GLE1: variants seen among roughly 807,000 people sequenced by gnomAD.
GLE1 encodes mRNA export factor GLE1.
Under a neutral mutation model 97.3 loss-of-function variants are expected in GLE1, and 78 were observed. The observed-to-expected ratio is 0.80, with a 90% CI of 0.67 to 0.97. The LOEUF is 0.97. Ranked by LOEUF, GLE1 falls within the 50% of genes least tolerant of loss-of-function variation. The pLI, the probability that GLE1 is intolerant of heterozygous loss-of-function variation, is 0.00. For missense variants in GLE1, 753 were observed against 857.5 expected (o/e 0.88, Z 1.52); for synonymous variants, 302 against 313.4 (o/e 0.96, Z 0.39).
intron 2 of GLE1, among the ~76,000 whole-genome samples, chr9:128,510,565 G>A (rs1266943926): frequency 8.2e-6 from 1 of 122,170 alleles, no homozygotes; most frequent in Non-Finnish European, 1.6e-5. Context: ...GTCTAGCTCT[G>A]TCACCCAGGC....
intron 3 of GLE1, among the ~76,000 whole-genome samples, chr9:128,516,868 C>T (rs1331136954): frequency 6.8e-6 from 1 of 147,264 alleles, no homozygotes; most frequent in African/African-American, 2.5e-5. Flanking sequence ...TCAGGTGATC[C>T]ACCCACCTCA....
At chr9:128,529,558 A>G (rs1847418794) in intron 9 of GLE1, among the ~76,000 whole-genome samples, 1 of 151,902 alleles carries the variant, frequency 6.6e-6, no homozygotes, top group Non-Finnish European at 1.5e-5. Context: ...TATGTCTTCT[A>G]AGTGTTTGCT....
intron 2 of GLE1, among the ~76,000 whole-genome samples, chr9:128,512,891 C>T (rs984582086): frequency 6.6e-6 from 1 of 152,128 alleles, no homozygotes; most frequent in Non-Finnish European, 1.5e-5. Flanking sequence ...TCAGGTGATC[C>T]ACCCGCCTTG....
intron 3 of GLE1, among the ~76,000 whole-genome samples, chr9:128,518,319 C>T (rs1054892476): frequency 3.3e-5 from 5 of 151,942 alleles, no homozygotes; most frequent in Non-Finnish European, 4.4e-5. Context: ...CCAGCACTTT[C>T]GGAGGCCGAG....
intron 2 of GLE1, among the ~76,000 whole-genome samples, chr9:128,509,322 C>G (rs1324869882): frequency 1.3e-5 from 2 of 151,802 alleles, no homozygotes; most frequent in South Asian, 4.2e-4. Flanking sequence ...TAACTAATTT[C>G]ATGAGCAATT....
At chr9:128,510,111 G>GC (rs1483828273) in intron 2 of GLE1, among the ~76,000 whole-genome samples, 1 of 151,942 alleles carries the variant, frequency 6.6e-6, no homozygotes, top group African/African-American at 2.4e-5. Context: ...AGGATGGAGT[G>GC]CAGTGGCATG....
chr9:128,514,588 G>A (rs969267851), intron 2 of GLE1, among the ~76,000 whole-genome samples: 3 of 151,706 alleles, frequency 2.0e-5, no homozygotes, highest in South Asian at 2.1e-4. Flanking sequence ...GACTACAGGC[G>A]CCCGCCACCA....
In GLE1 at chr9:128,522,672, G is replaced by T; in HGVS notation, c.437G>T (p.Gly146Val). 6.2e-7 allele frequency: 1 copy of T among 1,606,266 alleles called. No individual in the cohort carries two copies. Among genetic ancestry groups the T allele is most frequent in the South Asian group, 1.1e-5 (1 of 90,884 alleles). The change falls in exon 4 of 16, where the codon GGC (glycine) becomes GTC (valine). Residue 146 changes from glycine to valine, a missense_variant. Gly to Val is a moderately radical substitution (Grantham distance 109). Coordinates refer to ENST00000309971, the MANE Select transcript of GLE1 (RefSeq NM_001003722.2). The part of the protein sequence containing the change: ...ELVHRMKGTE[G>V]LRLWQEEQER... ...AAAAAAAAAAAACCTTTTCAGGAGG[G>T]CCTGAGGCTATGGCAGGAGGAGCAG...
chr9:128,523,913 T>C, intron 6 of GLE1, 67 bp downstream of exon 6: 1 of 1,536,004 alleles, frequency 6.5e-7, no homozygotes, highest in Non-Finnish European at 9.0e-7. Context: ...CAAAACTGTT[T>C]TCTGACTTAA....
rs1435254979 is a variant in GLE1 at position 128,533,943 on chromosome 9, CTA to C, written c.1640_1641del (p.Tyr547SerfsTer77). 2 of 1,602,958 alleles carry C rather than the reference CTA, an allele frequency of 1.2e-6. No homozygotes were observed. Among genetic ancestry groups the C allele is most frequent in the African/African-American group, 2.7e-5 (2 of 74,804 alleles). On this transcript the variant is annotated frameshift_variant, in exon 11 of 16. Coordinates refer to ENST00000309971, the MANE Select transcript of GLE1 (RefSeq NM_001003722.2). LOFTEE classifies it high-confidence loss of function. ...TCAAGGAGGGAATGGCTTTGGAAGACTATCAGAGGTAAAGTTGTTTTTCTCCC... is the reference window on the plus strand; with the variant it reads ...TCAAGGAGGGAATGGCTTTGGAAGACTCAGAGGTAAAGTTGTTTTTCTCCC... ...TFKEGMALED[Y>X]QRMLGYQVKD...
chr9:128,522,927 A>C, intron 4 of GLE1, 111 bp downstream of exon 4: 6 of 1,245,104 alleles, frequency 4.8e-6, no homozygotes, highest in African/African-American at 1.5e-5. Context: ...CTTAAATATC[A>C]AGGTAAAATA....
chr9:128,536,416 A>G lies in GLE1; in HGVS notation c.1708A>G (p.Met570Val), dbSNP rs1327542991. The G allele has an allele frequency of 1.2e-6, 2 of 1,614,006 alleles. No individual in the cohort carries two copies. The highest frequency in any genetic ancestry group is 1.7e-6 in the Non-Finnish European group (2 of 1,179,906). Residue 570 changes from methionine to valine, a missense_variant, in exon 12 of 16, where the codon ATG (methionine) becomes GTG (valine). Coordinates refer to ENST00000309971, the MANE Select transcript of GLE1 (RefSeq NM_001003722.2). The part of the protein sequence containing the change: ...VEQQDNFLKR[M>V]SGMIRLYAAI... ...GCAGCAAGACAACTTTCTAAAACGC[A>G]TGTCAGGGATGATCCGTCTCTACGC... is the stretch of plus-strand genomic sequence containing the variant.
chr9:128,536,317 A>C (rs1438271321), intron 11 of GLE1, 38 bp from the exon 12 acceptor site: 4 of 1,595,302 alleles, frequency 2.5e-6, no homozygotes, highest in Non-Finnish European at 3.4e-6. Flanking sequence ...TACAAGCGTG[A>C]GCCACCACAC....
At chr9:128,517,686 C>G (rs989813503) in intron 3 of GLE1, among the ~76,000 whole-genome samples, 1 of 151,954 alleles carries the variant, frequency 6.6e-6, no homozygotes, top group Non-Finnish European at 1.5e-5. Context: ...CCTATTCTTT[C>G]TTTCATTTTC....
rs141903692 is a variant in GLE1, at chr9:128,509,036, A to G, written c.260A>G (p.Lys87Arg). Residue 87 changes from lysine to arginine, a missense_variant, in exon 2 of 16, where the codon AAA (lysine) becomes AGA (arginine). Transcript: ENST00000309971. The part of the protein sequence containing the change: ...SALDQPSFVP[K>R]SPDASSAFSP... ...CTAGATCAACCCTCATTTGTTCCCA[A>G]ATCTCCTGACGCAAGCTCTGCCTTT... is the stretch of plus-strand genomic sequence containing the variant. 9.9e-6 allele frequency: 16 copies of G among 1,613,942 alleles called. No homozygotes were observed. The African/African-American group carries it at 1.9e-4, about 19-fold the overall frequency.
intron 9 of GLE1, among the ~76,000 whole-genome samples, chr9:128,532,419 T>G (rs1847547381): frequency 6.6e-6 from 1 of 151,452 alleles, no homozygotes; most frequent in African/African-American, 2.4e-5. Context: ...AGAGACGAGG[T>G]ATCACCATGT....
At chr9:128,523,910 G>T in intron 6 of GLE1, 64 bp downstream of exon 6, 1 of 1,545,044 alleles carries the variant, frequency 6.5e-7, no homozygotes, top group Non-Finnish European at 8.9e-7. Flanking sequence ...AAGCAAAACT[G>T]TTTTCTGACT....
chr9:128,533,105 GT>G (rs1438871482), intron 9 of GLE1, among the ~76,000 whole-genome samples: 4 of 152,084 alleles, frequency 2.6e-5, no homozygotes, highest in Admixed American at 6.6e-5. Flanking sequence ...GCACAGCTGG[GT>G]TTTTGTAGAT....
Position 128,522,680 on chromosome 9 carries a change from C to T in GLE1, c.445C>T (p.Leu149=), listed in dbSNP as rs1221042697. ...AAAACCTTTTCAGGAGGGCCTGAGG[C>T]TATGGCAGGAGGAGCAGGAGAGGAA... ...HRMKGTEGLR[L]WQEEQERKVQ... Residue 149 remains leucine (L), a synonymous_variant, in exon 4 of 16, where the codon CTA becomes TTA. Transcript: ENST00000309971. 4 of 1,602,282 alleles carry T rather than the reference C, an allele frequency of 2.5e-6. No homozygotes were observed. The highest frequency in any genetic ancestry group is 2.6e-6 in the Non-Finnish European group (3 of 1,173,402).
Sources: gnomAD v4.1 joint callset for allele counts (sites outside exome capture counted in the v4.1 genomes callset) on GRCh38, gnomAD v4.1.1 for gene constraint, MANE v1.5 for transcripts, NCBI Gene and HGNC (gene_info 2026-07-23, HGNC 2026-07-21) for gene names.